Variants in ITPRID1 observed in about 807,000 individuals in gnomAD.
ITPRID1 encodes the protein protein ITPRID1.
ITPRID1 carries 96 observed loss-of-function variants against 95.4 expected under a neutral mutation model. That is an observed-to-expected ratio of 1.01 (90% CI 0.85 to 1.19). The LOEUF (loss-of-function observed/expected upper bound fraction) is 1.19. Among genes scored for constraint, ITPRID1 ranks in the 50% most tolerant of loss-of-function variants. ITPRID1 has a pLI of 0.00. For missense variants in ITPRID1, 1,339 were observed against 1,252.9 expected (o/e 1.07, Z -1.04); for synonymous variants, 510 against 453.6 (o/e 1.12, Z -1.58).
At chr7:31,592,222 A>G (rs1386944948) in intron 10 of ITPRID1, among the ~76,000 whole-genome samples, 2 of 152,194 alleles carry the variant, frequency 1.3e-5, no homozygotes, top group Non-Finnish European at 2.9e-5. Context: ...GAGACCATGG[A>G]TGGAGCATGA....
intron 10 of ITPRID1, among the ~76,000 whole-genome samples, chr7:31,629,073 G>A (rs1208850319): frequency 3.9e-5 from 6 of 152,152 alleles, no homozygotes; most frequent in African/African-American, 2.4e-5. Context: ...GTGGTCATGG[G>A]ACATTGTTCA....
rs550840286 is a variant in ITPRID1, at chr7:31,523,088, A to G, written c.-98+8968A>G. Among the ~76,000 whole-genome samples, 17 of 152,342 alleles carry G rather than the reference A, an allele frequency of 1.1e-4. No individual in the cohort carries two copies. The South Asian group carries it at 2.7e-3, about 24-fold the overall frequency. ...ATGAGATGATGTTTGTAAAGCACTC[A>G]GCACAGTGCCTTGCATTAAGTAGAT... is the stretch of plus-strand genomic sequence containing the variant. On this transcript the variant is annotated intron_variant, in intron 1 of 14. Transcript: ENST00000615280.
chr7:31,519,620 C>CTCTCTCTCTATATATATATATATATA, intron 1 of ITPRID1, among the ~76,000 whole-genome samples: 3 of 25,262 alleles, frequency 1.2e-4, no homozygotes, highest in African/African-American at 1.4e-4. Flanking sequence ...CTCTCTCTCT[C>CTCTCTCTCTATATATATATATATATA]TATATATATA....
intron 10 of ITPRID1, among the ~76,000 whole-genome samples, chr7:31,608,828 TTTTTTTC>T (rs1179981094): frequency 2.0e-5 from 3 of 151,680 alleles, no homozygotes; most frequent in Admixed American, 6.6e-5. Context: ...GATTCTGAAT[TTTTTTTC>T]TTTTTTCTTT....
At chr7:31,638,254 A>G (rs990657611) in intron 10 of ITPRID1, among the ~76,000 whole-genome samples, 5 of 152,256 alleles carry the variant, frequency 3.3e-5, no homozygotes, top group African/African-American at 1.2e-4. Context: ...TGAACTAATT[A>G]TAACAAAGGC....
chr7:31,581,266 A>ATTTGGCAATGTTTGTCTC (rs1378319858), intron 9 of ITPRID1, among the ~76,000 whole-genome samples: 2 of 152,188 alleles, frequency 1.3e-5, no homozygotes, highest in Non-Finnish European at 2.9e-5. Flanking sequence ...TAAAAGCTGC[A>ATTTGGCAATGTTTGTCTC]TTTGGCAATG....
intron 10 of ITPRID1, among the ~76,000 whole-genome samples, chr7:31,622,659 A>G (rs1788027312): frequency 1.3e-5 from 2 of 152,188 alleles, no homozygotes; most frequent in Admixed American, 1.3e-4. Flanking sequence ...AAAGCAGGAA[A>G]GATCCAAAAT....
At chr7:31,642,054 C>A in intron 10 of ITPRID1, 122 bp from the exon 11 acceptor site, 1 of 541,250 alleles carries the variant, frequency 1.8e-6, no homozygotes, top group Non-Finnish European at 3.2e-6. Context: ...TTTGTTTTTT[C>A]TTCCACACAG....
At chr7:31,536,057 ATATT>A (rs1249632802) in intron 1 of ITPRID1, among the ~76,000 whole-genome samples, 1 of 152,132 alleles carries the variant, frequency 6.6e-6, no homozygotes, top group East Asian at 1.9e-4. Context: ...ATGATTTGAA[ATATT>A]TATTCACTAT....
chr7:31,558,167 A>AGGATATGTG (rs1391803973), intron 5 of ITPRID1, among the ~76,000 whole-genome samples: 1 of 152,062 alleles, frequency 6.6e-6, no homozygotes, highest in African/African-American at 2.4e-5. Flanking sequence ...GCCTTCCACC[A>AGGATATGTG]TGGAATGACA....
intron 10 of ITPRID1, among the ~76,000 whole-genome samples, chr7:31,628,859 A>T (rs1788735890): frequency 6.6e-6 from 1 of 152,196 alleles, no homozygotes; most frequent in South Asian, 2.1e-4. Context: ...TACTGTCTGA[A>T]CATTTGATGT....
chr7:31,628,692 G>A (rs1044054532), intron 10 of ITPRID1, among the ~76,000 whole-genome samples: 1 of 152,020 alleles, frequency 6.6e-6, no homozygotes, highest in Admixed American at 6.6e-5. Context: ...TCCTGACCTT[G>A]TGATCCGCCC....
chr7:31,641,916 T>A (rs936856795), intron 10 of ITPRID1, among the ~76,000 whole-genome samples: 1 of 152,238 alleles, frequency 6.6e-6, no homozygotes, highest in African/African-American at 2.4e-5. Context: ...ATATTGTTAT[T>A]TGGTTTTGAG....
chr7:31,583,674 A>T (rs1359797250), intron 10 of ITPRID1, among the ~76,000 whole-genome samples: 1 of 152,146 alleles, frequency 6.6e-6, no homozygotes, highest in African/African-American at 2.4e-5. Flanking sequence ...ATGCAAATGT[A>T]CATGTAAATT....
chr7:31,520,130 G>T (rs1013706799), intron 1 of ITPRID1, among the ~76,000 whole-genome samples: 1 of 151,572 alleles, frequency 6.6e-6, no homozygotes, highest in Non-Finnish European at 1.5e-5. Context: ...TTTTCAAGTG[G>T]AATTTGTCTG....
chr7:31,615,960 G>C (rs1011421653), intron 10 of ITPRID1, among the ~76,000 whole-genome samples: 1 of 151,676 alleles, frequency 6.6e-6, no homozygotes, highest in Non-Finnish European at 1.5e-5. Flanking sequence ...TTTCACTGTG[G>C]TCTCGCTCTC....
rs75680609 is a variant in ITPRID1 at position 31,567,017 on chromosome 7, T to A, written c.257-2741T>A. 2.3e-3 allele frequency among the ~76,000 whole-genome samples: 345 copies of A among 152,266 alleles called. 5 individuals are homozygous for A. The East Asian group carries it at 0.048, about 21-fold the overall frequency. ...TTAGAATTTTGCAAAGGATTTTATATTATTGTGGAATTCCTATGATAAAAC... is the reference window on the plus strand; with the variant it reads ...TTAGAATTTTGCAAAGGATTTTATAATATTGTGGAATTCCTATGATAAAAC... On this transcript the variant is annotated intron_variant, in intron 5 of 14. Transcript: ENST00000615280.
intron 1 of ITPRID1, among the ~76,000 whole-genome samples, chr7:31,531,769 GGATT>G (rs1783605583): frequency 1.3e-5 from 2 of 152,106 alleles, no homozygotes; most frequent in South Asian, 4.1e-4. Flanking sequence ...CAGGGGTTGT[GGATT>G]GGATAGTTTA....
intron 1 of ITPRID1, among the ~76,000 whole-genome samples, chr7:31,522,686 C>A (rs1783302987): frequency 6.6e-6 from 1 of 152,182 alleles, no homozygotes; most frequent in South Asian, 2.1e-4. Context: ...GGCATGTTTT[C>A]ATGATGCTAG....
Sources: allele counts gnomAD v4.1 joint callset (sites outside exome capture counted in the v4.1 genomes callset), GRCh38; gene constraint gnomAD v4.1.1; transcripts MANE v1.5; gene names NCBI Gene and HGNC (gene_info 2026-07-23, HGNC 2026-07-21).